The following SLC25A12 variants were observed in gnomAD, a reference collection of about 807,000 sequenced individuals.
The protein encoded by SLC25A12 is solute carrier family 25 member 12, also known as electrogenic aspartate/glutamate antiporter SLC25A12, mitochondrial.
Under a neutral mutation model 83.3 loss-of-function variants are expected in SLC25A12, and 32 were observed. The observed-to-expected ratio is 0.38, with a 90% CI of 0.29 to 0.52. The LOEUF (loss-of-function observed/expected upper bound fraction) is 0.52, where lower values mean the gene tolerates loss of function less well. SLC25A12 is among the 20% of genes least tolerant of loss of function. SLC25A12 has a pLI of 0.84. For missense variants in SLC25A12, 611 were observed against 835.6 expected (o/e 0.73, Z 3.31); for synonymous variants, 267 against 291.1 (o/e 0.92, Z 0.84).
chr2:171,862,619 C>G (rs189082756), intron 3 of SLC25A12, among the ~76,000 whole-genome samples: 23 of 152,300 alleles, frequency 1.5e-4, no homozygotes, highest in Admixed American at 6.5e-4. Context: ...GAGCGTGTTT[C>G]AACCACTCCT....
intron 9 of SLC25A12, among the ~76,000 whole-genome samples, chr2:171,819,370 A>ATT (rs1259641483): frequency 0.012 from 698 of 59,536 alleles, 6 homozygotes; most frequent in African/African-American, 0.027. Context: ...TATTATATAT[A>ATT]ATATATTATA....
chr2:171,798,082 T>C (rs1271537386), intron 13 of SLC25A12, among the ~76,000 whole-genome samples: 1 of 152,218 alleles, frequency 6.6e-6, no homozygotes, highest in Non-Finnish European at 1.5e-5. Context: ...GAACTGAGTT[T>C]AAAAGATACA....
At chr2:171,890,210 A>C (rs138059936) in intron 2 of SLC25A12, among the ~76,000 whole-genome samples, 22 of 152,370 alleles carry the variant, frequency 1.4e-4, no homozygotes, top group African/African-American at 5.3e-4. Context: ...TGCATGGTAC[A>C]CAGCAAATAA....
chr2:171,810,723 A>G (rs976957878), intron 11 of SLC25A12, among the ~76,000 whole-genome samples: 2 of 84,044 alleles, frequency 2.4e-5, no homozygotes, highest in African/African-American at 7.2e-5. Flanking sequence ...CTACCTACAT[A>G]ATGGCATACA....
At chr2:171,858,151 T>C (rs1418326222) in intron 3 of SLC25A12, among the ~76,000 whole-genome samples, 1 of 152,116 alleles carries the variant, frequency 6.6e-6, no homozygotes, top group South Asian at 2.1e-4. Flanking sequence ...GTAACAGCAT[T>C]ATAAAAATGT....
chr2:171,803,212 G>T (rs776788555), intron 13 of SLC25A12, among the ~76,000 whole-genome samples: 4 of 150,424 alleles, frequency 2.7e-5, no homozygotes, highest in Non-Finnish European at 4.4e-5. Context: ...AAAGAAAAAA[G>T]GAGGCATACA....
At chr2:171,834,669 T>C (rs1416485647) in intron 7 of SLC25A12, 58 bp downstream of exon 7, 6 of 1,566,946 alleles carry the variant, frequency 3.8e-6, no homozygotes, top group Non-Finnish European at 5.2e-6. Flanking sequence ...ACATCATGCC[T>C]CAGTGAAGAA....
At position 171,868,796 on chromosome 2, in the gene SLC25A12, G is replaced by A. The variant is rs749402282; in HGVS notation, c.94C>T (p.Arg32Cys). Residue 32 changes from arginine to cysteine, a missense_variant, in exon 3 of 18, where the codon CGT (arginine) becomes TGT (cysteine). This residue lies in a region of SLC25A12 where 540 missense variants were observed against 777.5 expected (regional missense o/e 0.69). Coordinates refer to ENST00000422440, the MANE Select transcript of SLC25A12 (RefSeq NM_003705.5). ...ACAAAGTCTTCTGGGGTCATATAAC[G>A]CTCTCCATCAACCTCAGTACTGGCA... is the stretch of plus-strand genomic sequence containing the variant. ...QYASTEVDGERYMTPEDFVQR... is the reference protein window; with the variant it reads ...QYASTEVDGECYMTPEDFVQR... The A allele has an allele frequency of 3.4e-5, 55 of 1,611,772 alleles. No individual in the cohort carries two copies. The highest frequency in any genetic ancestry group is 4.2e-5 in the Non-Finnish European group (49 of 1,178,182).
At chr2:171,826,976 A>G (rs1400085259) in intron 8 of SLC25A12, 94 bp from the exon 9 acceptor site, 2 of 748,458 alleles carry the variant, frequency 2.7e-6, no homozygotes, top group African/African-American at 1.7e-5. Flanking sequence ...AAAACAGTGA[A>G]CTATAGTTTA....
At chr2:171,800,701 A>C (rs1203071017) in intron 13 of SLC25A12, among the ~76,000 whole-genome samples, 1 of 152,232 alleles carries the variant, frequency 6.6e-6, no homozygotes, top group African/African-American at 2.4e-5. Flanking sequence ...ACAGACAAAA[A>C]CCCAAACATC....
intron 15 of SLC25A12, among the ~76,000 whole-genome samples, chr2:171,789,538 T>C (rs1242431463): frequency 6.6e-6 from 1 of 152,162 alleles, no homozygotes; most frequent in Admixed American, 6.5e-5. Context: ...TCAGCCTGAC[T>C]CTTGAGTTAG....
At chr2:171,862,794 A>G (rs182272359) in intron 3 of SLC25A12, among the ~76,000 whole-genome samples, 7 of 152,350 alleles carry the variant, frequency 4.6e-5, no homozygotes, top group African/African-American at 1.2e-4. Context: ...GAACCAAGGA[A>G]CACATTTTGG....
At chr2:171,817,600 CAAAAAAAAAA>C (rs71013076) in intron 9 of SLC25A12, among the ~76,000 whole-genome samples, 3 of 64,252 alleles carry the variant, frequency 4.7e-5, no homozygotes, top group Admixed American at 2.2e-4. Flanking sequence ...GACTCTGCCT[CAAAAAAAAAA>C]AAAAAAAAAA....
chr2:171,863,646 T>C (rs1685218103), intron 3 of SLC25A12, among the ~76,000 whole-genome samples: 1 of 152,106 alleles, frequency 6.6e-6, no homozygotes, highest in Non-Finnish European at 1.5e-5. Flanking sequence ...CAGATGGTCA[T>C]AAAAGGAAAC....
At chr2:171,829,189 T>G (rs985615832) in intron 8 of SLC25A12, among the ~76,000 whole-genome samples, 1 of 152,140 alleles carries the variant, frequency 6.6e-6, no homozygotes, top group Admixed American at 6.5e-5. Context: ...GCCCCAAAAT[T>G]AGCTAGACAG....
At chr2:171,826,576 T>C (rs889515823) in intron 9 of SLC25A12, among the ~76,000 whole-genome samples, 3 of 152,152 alleles carry the variant, frequency 2.0e-5, no homozygotes, top group Non-Finnish European at 2.9e-5. Context: ...GCCATTGCAC[T>C]CCAGCCTGGG....
intron 3 of SLC25A12, among the ~76,000 whole-genome samples, chr2:171,867,318 A>T (rs11695029): frequency 7.7e-5 from 11 of 143,600 alleles, no homozygotes; most frequent in Non-Finnish European, 1.6e-4. Flanking sequence ...CCGAGATCAC[A>T]CCACTGCACT....
intron 2 of SLC25A12, 119 bp downstream of exon 2, chr2:171,893,086 T>C (rs1685979786): frequency 1.3e-6 from 1 of 781,270 alleles, no homozygotes; most frequent in African/African-American, 1.7e-5. Context: ...TATTGTCCGG[T>C]CATGTTTGAA....
At chr2:171,787,425 C>T in intron 17 of SLC25A12, 146 bp downstream of exon 17, 1 of 771,958 alleles carries the variant, frequency 1.3e-6, no homozygotes, top group Admixed American at 1.8e-5. Flanking sequence ...ACAAATGCTT[C>T]TTAAGCTCAC....
Sources: gnomAD v4.1 joint callset for allele counts (sites outside exome capture counted in the v4.1 genomes callset) on GRCh38, gnomAD v4.1.1 for gene constraint, gnomAD v4.1.1 regional missense constraint, MANE v1.5 for transcripts, NCBI Gene and HGNC (gene_info 2026-07-23, HGNC 2026-07-21) for gene names.